The following GLIS3 variants were observed in gnomAD, a reference collection of about 807,000 sequenced individuals.
GLIS3 encodes zinc finger protein GLIS3.
In GLIS3, 53 loss-of-function variants were observed where a neutral mutation model predicts 78.6. The observed-to-expected ratio is 0.67, with a 90% CI of 0.54 to 0.85. The LOEUF (loss-of-function observed/expected upper bound fraction) is 0.85. Ranked by LOEUF, GLIS3 falls within the 40% of genes least tolerant of loss-of-function variation. The pLI is 0.00. For synonymous variants in GLIS3, 684 were observed against 509.9 expected, an observed-to-expected ratio of 1.34 and a Z score of -4.60; for missense variants, 1,703 against 1,231.1, an observed-to-expected ratio of 1.38 and a Z score of -5.74.
At position 3,919,323 on chromosome 9, in the gene GLIS3, T is replaced by C. The variant is rs140356647; in HGVS notation, c.1983+13037A>G. ...AAATGCAGCTTGAGTACAGTTCTACTGCTTACTGAATGTGCTTTGTTAGTC... is the reference window on the plus strand; with the variant it reads ...AAATGCAGCTTGAGTACAGTTCTACCGCTTACTGAATGTGCTTTGTTAGTC... On this transcript the variant is annotated intron_variant, in intron 6 of 10. Coordinates refer to ENST00000381971, the MANE Select transcript of GLIS3 (RefSeq NM_001042413.2). 2.0e-3 allele frequency among the ~76,000 whole-genome samples: 301 copies of C among 152,362 alleles called. 6 individuals are homozygous for C. Among genetic ancestry groups the C allele is most frequent in the African/African-American group, 6.8e-3 (281 of 41,584 alleles).
At chr9:3,913,512 G>GTT (rs984417668) in intron 6 of GLIS3, among the ~76,000 whole-genome samples, 2 of 152,124 alleles carry the variant, frequency 1.3e-5, no homozygotes, top group Admixed American at 6.6e-5. Flanking sequence ...TGTAATCTTT[G>GTT]TTTATTCTCA....
chr9:4,204,537 G>A (rs941691583), intron 2 of GLIS3, among the ~76,000 whole-genome samples: 17 of 152,084 alleles, frequency 1.1e-4, no homozygotes, highest in African/African-American at 4.1e-4. Flanking sequence ...AGGAACTAAC[G>A]TATGACAGTC....
At position 4,264,748 on chromosome 9, in the gene GLIS3, C is replaced by T. The variant is rs545430709; in HGVS notation, c.388+21290G>A. The stretch of plus-strand genomic sequence containing the variant: ...GTTTCTCCCTATAGCACTTATTAAC[C>T]CCCAAGAAATTACATCATAGGTATT... On this transcript the variant is annotated intron_variant, in intron 2 of 10. Coordinates refer to ENST00000381971, the MANE Select transcript of GLIS3 (RefSeq NM_001042413.2). 2.0e-5 allele frequency among the ~76,000 whole-genome samples: 3 copies of T among 152,228 alleles called. No homozygotes were observed. The South Asian group carries it at 6.2e-4, about 32-fold the overall frequency.
intron 2 of GLIS3, among the ~76,000 whole-genome samples, chr9:4,278,868 C>A (rs1037425023): frequency 6.6e-6 from 1 of 152,230 alleles, no homozygotes; most frequent in Non-Finnish European, 1.5e-5. Context: ...GCATTCAGTG[C>A]TTCTGGGTAT....
chr9:4,481,885 C>T, the GLIS3 span, among the ~76,000 whole-genome samples: 2 of 152,156 alleles, frequency 1.3e-5, no homozygotes, highest in East Asian at 3.9e-4. Flanking sequence ...TGTGACACTA[C>T]CCATTTCTCC....
chr9:4,160,267 G>C (rs939644931), intron 2 of GLIS3, among the ~76,000 whole-genome samples: 1 of 152,166 alleles, frequency 6.6e-6, no homozygotes, highest in African/African-American at 2.4e-5. Flanking sequence ...ACCTCCAGTG[G>C]TGCTAAGGAA....
At chr9:3,958,496 A>G (rs1372457944) in intron 4 of GLIS3, among the ~76,000 whole-genome samples, 7 of 152,294 alleles carry the variant, frequency 4.6e-5, no homozygotes, top group Non-Finnish European at 1.0e-4. Context: ...AAATCTCCGC[A>G]TTCTCCCCAC....
intron 8 of GLIS3, among the ~76,000 whole-genome samples, chr9:3,868,391 ACT>A (rs1203161264): frequency 2.6e-5 from 4 of 152,004 alleles, no homozygotes; most frequent in Non-Finnish European, 5.9e-5. Context: ...ACACTCAGCG[ACT>A]CTTCAAAACC....
the GLIS3 span, among the ~76,000 whole-genome samples, chr9:4,479,650 G>T: frequency 1.3e-5 from 2 of 152,138 alleles, no homozygotes; most frequent in Non-Finnish European, 2.9e-5. Context: ...AAATCTCAGA[G>T]TATCTCTCCA....
chr9:4,153,780 C>G (rs1834856026), intron 2 of GLIS3, among the ~76,000 whole-genome samples: 2 of 152,186 alleles, frequency 1.3e-5, no homozygotes, highest in South Asian at 4.1e-4. Flanking sequence ...ATTCACATGA[C>G]TTGTATACAT....
At chr9:4,016,149 T>C (rs1017561113) in intron 4 of GLIS3, among the ~76,000 whole-genome samples, 2 of 152,146 alleles carry the variant, frequency 1.3e-5, no homozygotes, top group African/African-American at 2.4e-5. Context: ...TCCAAGTTCA[T>C]TACATTCAAA....
chr9:4,368,321 G>C, the GLIS3 span, among the ~76,000 whole-genome samples: 46 of 150,910 alleles, frequency 3.0e-4, 2 homozygotes, highest in South Asian at 9.5e-3. Context: ...ACTGGGTAGG[G>C]AGCGCACAAG....
chr9:4,032,274 C>T (rs1473325812), intron 4 of GLIS3, among the ~76,000 whole-genome samples: 1 of 151,972 alleles, frequency 6.6e-6, no homozygotes, highest in African/African-American at 2.4e-5. Context: ...AGCGGAATAC[C>T]CTTCATTCCT....
chr9:4,181,736 C>T lies in GLIS3; in HGVS notation c.389-55795G>A, dbSNP rs530672412. 1.2e-4 allele frequency among the ~76,000 whole-genome samples: 18 copies of T among 152,274 alleles called. 1 individual carries two copies. The South Asian group carries it at 3.1e-3, about 26-fold the overall frequency. ...GATGCAGAGGAAGGGACTTGAAAAA[C>T]GCTTGAGCATTGGAGCTTATTGCTG... On this transcript the variant is annotated intron_variant, in intron 2 of 10. Coordinates refer to ENST00000381971, the MANE Select transcript of GLIS3 (RefSeq NM_001042413.2).
intron 6 of GLIS3, among the ~76,000 whole-genome samples, chr9:3,906,407 G>A (rs759101650): frequency 7.2e-5 from 11 of 152,160 alleles, no homozygotes; most frequent in Admixed American, 1.3e-4. Flanking sequence ...GTGCTCTTTC[G>A]AAGGTCGAGC....
intron 4 of GLIS3, among the ~76,000 whole-genome samples, chr9:4,029,193 T>A (rs1407536264): frequency 6.6e-6 from 1 of 152,142 alleles, no homozygotes; most frequent in Non-Finnish European, 1.5e-5. Context: ...ACCCTTGGAA[T>A]CCTTAGAAAA....
chr9:4,420,654 C>T, the GLIS3 span, among the ~76,000 whole-genome samples: 1 of 152,278 alleles, frequency 6.6e-6, no homozygotes, highest in East Asian at 1.9e-4. Flanking sequence ...GGTTGAACAG[C>T]CGCTGATCTC....
intron 2 of GLIS3, among the ~76,000 whole-genome samples, chr9:4,136,735 G>GCCT (rs1357702471): frequency 6.6e-6 from 1 of 152,176 alleles, no homozygotes; most frequent in Admixed American, 6.5e-5. Context: ...AAACAAAGAT[G>GCCT]AGCTAGGGCT....
the GLIS3 span, among the ~76,000 whole-genome samples, chr9:4,360,754 T>C: frequency 6.6e-6 from 1 of 152,096 alleles, no homozygotes; most frequent in Non-Finnish European, 1.5e-5. Flanking sequence ...TGACACAGAG[T>C]TGTGTTGAGT....
Sources: gnomAD v4.1 joint callset for allele counts (sites outside exome capture counted in the v4.1 genomes callset) on GRCh38, gnomAD v4.1.1 for gene constraint, MANE v1.5 for transcripts, NCBI Gene and HGNC (gene_info 2026-07-23, HGNC 2026-07-21) for gene names.